The following RARS2 variants were observed in gnomAD, a reference collection of about 807,000 sequenced individuals.
RARS2 encodes the protein arginyl-tRNA synthetase 2, mitochondrial.
A neutral mutation model predicts 88.5 loss-of-function variants in RARS2; 67 were observed. The observed-to-expected ratio is 0.76, with a 90% confidence interval of 0.62 to 0.93. The LOEUF is 0.93. Ranked by LOEUF, RARS2 falls within the 40% of genes least tolerant of loss-of-function variation. RARS2 has a pLI of 0.00. For synonymous variants in RARS2, 239 were observed against 230.3 expected, an observed-to-expected ratio of 1.04 and a Z score of -0.34; for missense variants, 664 against 684.2, an observed-to-expected ratio of 0.97 and a Z score of 0.33.
chr6:87,547,116 T>A (rs770747288), intron 6 of RARS2, among the ~76,000 whole-genome samples: 2 of 152,246 alleles, frequency 1.3e-5, no homozygotes, highest in African/African-American at 4.8e-5. Flanking sequence ...TTGAATGATA[T>A]AATACATGAA....
intron 9 of RARS2, among the ~76,000 whole-genome samples, chr6:87,530,255 C>T (rs137960503): frequency 1.3e-5 from 2 of 152,274 alleles, no homozygotes; most frequent in African/African-American, 4.8e-5. Flanking sequence ...TCCAGTCACA[C>T]GGGCTTCTTT....
intron 1 of RARS2, 176 bp downstream of exon 1, chr6:87,589,746 G>A (rs1352227285): frequency 1.0e-6 from 1 of 984,882 alleles, no homozygotes; most frequent in Non-Finnish European, 1.2e-6. Flanking sequence ...CCCAGCCGAC[G>A]CTCCACAGGA....
chr6:87,520,295 C>T, intron 12 of RARS2, 39 bp from the exon 13 acceptor site: 1 of 1,430,786 alleles, frequency 7.0e-7, no homozygotes, highest in Non-Finnish European at 9.8e-7. Flanking sequence ...AGAATACTGA[C>T]AAATTAATGT....
Position 87,531,790 on chromosome 6 carries a change from G to C in RARS2, c.613-848C>G, listed in dbSNP as rs117934223. 7.6e-4 allele frequency among the ~76,000 whole-genome samples: 115 copies of C among 152,178 alleles called. 5 individuals carry two copies. The East Asian group carries it at 0.021, about 28-fold the overall frequency. On this transcript the variant is annotated intron_variant, in intron 8 of 19. Transcript: ENST00000369536. ...TCTCCAAAATATAATGTTAATAAAT[G>C]ACATTAAAATATTAATATTATAGTT...
At chr6:87,520,099 G>A (rs527455830) in intron 13 of RARS2, 81 bp downstream of exon 13, 2 of 1,148,094 alleles carry the variant, frequency 1.7e-6, no homozygotes, top group South Asian at 2.5e-5. Flanking sequence ...ATTGAAATCT[G>A]AGTGAAAAAC....
At chr6:87,552,293 A>G (rs2128136282) in intron 5 of RARS2, among the ~76,000 whole-genome samples, 1 of 152,318 alleles carries the variant, frequency 6.6e-6, no homozygotes, top group Non-Finnish European at 1.5e-5. Context: ...TCATTTTCAG[A>G]AGAAATCCAA....
intron 10 of RARS2, among the ~76,000 whole-genome samples, chr6:87,529,329 T>A (rs1737630688): frequency 6.6e-6 from 1 of 152,174 alleles, no homozygotes; most frequent in Non-Finnish European, 1.5e-5. Flanking sequence ...CCCAGCCTTA[T>A]AAAAAACAAG....
chr6:87,535,064 C>T (rs1029105294), intron 8 of RARS2, among the ~76,000 whole-genome samples: 1 of 150,068 alleles, frequency 6.7e-6, no homozygotes, highest in Non-Finnish European at 1.5e-5. Flanking sequence ...CAATGACTTA[C>T]ACTGACTCTT....
intron 14 of RARS2, 163 bp from the exon 15 acceptor site, chr6:87,519,054 A>G (rs1772808737): frequency 1.4e-5 from 10 of 704,940 alleles, no homozygotes; most frequent in Non-Finnish European, 2.5e-5. Flanking sequence ...TGATAATGAC[A>G]TTTCCCCTGC....
intron 8 of RARS2, 83 bp from the exon 9 acceptor site, chr6:87,531,025 T>C: frequency 6.3e-7 from 1 of 1,577,440 alleles, no homozygotes; most frequent in Non-Finnish European, 8.6e-7. Context: ...AAAAAGCACA[T>C]TCTGAGAATT....
Position 87,589,959 on chromosome 6 carries a change from T to A in RARS2, c.-2A>T, listed in dbSNP as rs201150141. On this transcript the variant is annotated 5_prime_UTR_variant, in exon 1 of 20. Transcript: ENST00000369536. ...AGCGCGGCGAAAGCCGCACGCCATG[T>A]CCACCTCTACGGAAGTGCGCCGCAG... 18 of 1,614,208 alleles carry A rather than the reference T, an allele frequency of 1.1e-5. No homozygotes were observed. The Admixed American group carries it at 2.0e-4, about 18-fold the overall frequency.
intron 1 of RARS2, among the ~76,000 whole-genome samples, chr6:87,569,832 G>T (rs1182422159): frequency 1.3e-5 from 2 of 151,078 alleles, no homozygotes; most frequent in Non-Finnish European, 2.9e-5. Flanking sequence ...GTTAAGGGGA[G>T]GATTTGACCA....
At chr6:87,578,824 G>C (rs962977801) in intron 1 of RARS2, among the ~76,000 whole-genome samples, 1 of 151,788 alleles carries the variant, frequency 6.6e-6, no homozygotes, top group African/African-American at 2.4e-5. Flanking sequence ...GCCAGGCGTG[G>C]TGGCTGGTGC....
At chr6:87,550,648 G>A (rs113448618) in intron 5 of RARS2, among the ~76,000 whole-genome samples, 1,512 of 150,476 alleles carry the variant, frequency 0.01, 25 homozygotes, top group African/African-American at 0.033. Context: ...GTTTAAATAT[G>A]GTGAAATTAT....
At chr6:87,562,337 TATC>T (rs1208514898) in intron 4 of RARS2, among the ~76,000 whole-genome samples, 15 of 152,322 alleles carry the variant, frequency 9.8e-5, no homozygotes, top group Middle Eastern at 6.8e-3. Flanking sequence ...TATGCAACTG[TATC>T]ATAATAGTGT....
At chr6:87,523,817 T>C (rs909891876) in intron 11 of RARS2, among the ~76,000 whole-genome samples, 37 of 152,180 alleles carry the variant, frequency 2.4e-4, no homozygotes, top group African/African-American at 8.7e-4. Context: ...AATTAGTTGA[T>C]ACAAAAAACT....
At chr6:87,580,934 A>G (rs1474752355) in intron 1 of RARS2, among the ~76,000 whole-genome samples, 1 of 152,186 alleles carries the variant, frequency 6.6e-6, no homozygotes, top group South Asian at 2.1e-4. Flanking sequence ...GCACAATTCT[A>G]AACTTTAGAT....
At chr6:87,542,771 T>C (rs1781403933) in intron 7 of RARS2, among the ~76,000 whole-genome samples, 2 of 144,476 alleles carry the variant, frequency 1.4e-5, no homozygotes, top group African/African-American at 5.2e-5. Context: ...AAGATGATCA[T>C]AACTTCCGTT....
chr6:87,580,318 T>C (rs1246460112), intron 1 of RARS2, among the ~76,000 whole-genome samples: 2 of 152,012 alleles, frequency 1.3e-5, no homozygotes, highest in Non-Finnish European at 2.9e-5. Flanking sequence ...TTTCACAGAA[T>C]AAAATATCCT....
Sources: gnomAD v4.1 joint callset for allele counts (sites outside exome capture counted in the v4.1 genomes callset) on GRCh38, gnomAD v4.1.1 for gene constraint, MANE v1.5 for transcripts, NCBI Gene and HGNC (gene_info 2026-07-23, HGNC 2026-07-21) for gene names.